The following DNAAF4 variants were observed in gnomAD, a reference collection of about 807,000 sequenced individuals.
The protein encoded by DNAAF4 is dynein assembly factor 4, axonemal.
A neutral mutation model predicts 51.8 loss-of-function variants in DNAAF4; 43 were observed. The observed-to-expected ratio is 0.83, with a 90% CI of 0.65 to 1.07. The LOEUF is 1.07. Among genes scored for constraint, DNAAF4 ranks in the 50% least tolerant of loss-of-function variants. The pLI is 0.00. For missense variants in DNAAF4, 581 were observed against 493.0 expected (o/e 1.18, Z -1.69); for synonymous variants, 194 against 165.6 (o/e 1.17, Z -1.32).
rs55904532 is a variant in DNAAF4, at chr15:55,439,753, A to G, written c.784-172T>C. On this transcript the variant is annotated intron_variant, in intron 6 of 9. Transcript: ENST00000321149. ...TGATATACTGAAGCCATAACCATCAATGTGAATCGGTATTTGGTAGTGGGG... is the reference window on the plus strand; with the variant it reads ...TGATATACTGAAGCCATAACCATCAGTGTGAATCGGTATTTGGTAGTGGGG... 0.051 allele frequency among the ~76,000 whole-genome samples: 7,750 copies of G among 152,190 alleles called. 683 individuals carry two copies. Among genetic ancestry groups the G allele is most frequent in the African/African-American group, 0.18 (7,470 of 41,488 alleles).
chr15:55,484,244 G>A (rs1220661172), intron 4 of DNAAF4, among the ~76,000 whole-genome samples: 3 of 152,094 alleles, frequency 2.0e-5, no homozygotes, highest in Non-Finnish European at 4.4e-5. Flanking sequence ...AGCACTTTGG[G>A]AGGCTGAGAC....
chr15:55,485,106 C>A (rs2058468798), intron 4 of DNAAF4, among the ~76,000 whole-genome samples: 1 of 152,118 alleles, frequency 6.6e-6, no homozygotes, highest in Non-Finnish European at 1.5e-5. Flanking sequence ...ACCCAAGTGT[C>A]CAATAACACA....
At chr15:55,444,900 TC>T (rs1418363084) in intron 6 of DNAAF4, among the ~76,000 whole-genome samples, 6 of 152,174 alleles carry the variant, frequency 3.9e-5, no homozygotes, top group Non-Finnish European at 7.3e-5. Context: ...TGATTTTGTA[TC>T]CTGAGACTTT....
At chr15:55,441,730 A>G (rs2057717780) in intron 6 of DNAAF4, among the ~76,000 whole-genome samples, 1 of 152,174 alleles carries the variant, frequency 6.6e-6, no homozygotes, top group Non-Finnish European at 1.5e-5. Flanking sequence ...ATGTCCCTAC[A>G]AAGGACATGA....
chr15:55,481,884 G>T (rs2141557720), intron 4 of DNAAF4, among the ~76,000 whole-genome samples: 1 of 152,228 alleles, frequency 6.6e-6, no homozygotes, highest in East Asian at 1.9e-4. Context: ...ATTAGTTATG[G>T]GCCAAGACTT....
chr15:55,455,482 A>AATGCAGTG (rs1249048385), intron 5 of DNAAF4, among the ~76,000 whole-genome samples: 1 of 150,428 alleles, frequency 6.6e-6, no homozygotes, highest in Non-Finnish European at 1.5e-5. Context: ...CCCACACTGG[A>AATGCAGTG]ATGCAGTGGC....
At chr15:55,441,157 C>T (rs371872938) in intron 6 of DNAAF4, among the ~76,000 whole-genome samples, 3 of 151,280 alleles carry the variant, frequency 2.0e-5, no homozygotes, top group Admixed American at 2.0e-4. Context: ...CCGCAACCTC[C>T]GCCTTCTGGG....
chr15:55,423,749 GC>G (rs1566995258), intron 7 of DNAAF4, among the ~76,000 whole-genome samples: 1 of 152,070 alleles, frequency 6.6e-6, no homozygotes, highest in Admixed American at 6.6e-5. Context: ...GATAAGGAGT[GC>G]GAGACCAGGC....
At chr15:55,424,846 A>AC (rs528949179) in intron 7 of DNAAF4, among the ~76,000 whole-genome samples, 16 of 141,548 alleles carry the variant, frequency 1.1e-4, no homozygotes, top group Admixed American at 6.4e-4. Flanking sequence ...CAGGCGTGAG[A>AC]CCCCGTGCCC....
chr15:55,437,970 A>G (rs2057642958), intron 7 of DNAAF4, among the ~76,000 whole-genome samples: 1 of 152,240 alleles, frequency 6.6e-6, no homozygotes, highest in African/African-American at 2.4e-5. Context: ...ATAAACACAG[A>G]AGTGTATATG....
intron 7 of DNAAF4, among the ~76,000 whole-genome samples, chr15:55,438,863 G>C (rs1288629378): frequency 6.6e-6 from 1 of 151,804 alleles, no homozygotes; most frequent in Admixed American, 6.6e-5. Flanking sequence ...TTTTATGGGA[G>C]ACATCAGAAA....
chr15:55,447,300 C>T (rs2057848057), intron 6 of DNAAF4, among the ~76,000 whole-genome samples: 1 of 151,764 alleles, frequency 6.6e-6, no homozygotes, highest in Non-Finnish European at 1.5e-5. Context: ...GACTGGGCGG[C>T]TGGGCAGAGG....
At chr15:55,479,565 C>T (rs1464823568) in intron 4 of DNAAF4, among the ~76,000 whole-genome samples, 1 of 151,814 alleles carries the variant, frequency 6.6e-6, no homozygotes, top group African/African-American at 2.4e-5. Context: ...GGGAAGACAA[C>T]CATAAGGTCT....
chr15:55,478,317 C>T lies in DNAAF4; in HGVS notation c.406-11156G>A, dbSNP rs138024629. Among the ~76,000 whole-genome samples the T allele has an allele frequency of 1.4e-3, 218 of 152,308 alleles. 2 individuals carry two copies. Among genetic ancestry groups the T allele is most frequent in the African/African-American group, 5.1e-3 (212 of 41,570 alleles). On this transcript the variant is annotated intron_variant, in intron 4 of 9. Coordinates refer to ENST00000321149, the MANE Select transcript of DNAAF4 (RefSeq NM_130810.4). Reference sequence around the variant, plus strand: ...AAAACAAATTTTCCAGCAGGGGTTTCTAATAGTACCAAGCTGCCCAGTCCC... The same window carrying T: ...AAAACAAATTTTCCAGCAGGGGTTTTTAATAGTACCAAGCTGCCCAGTCCC...
chr15:55,418,438 C>T (rs1291258705), intron 7 of DNAAF4: 8 of 1,522,938 alleles, frequency 5.3e-6, no homozygotes, highest in Non-Finnish European at 7.0e-6. Flanking sequence ...TTTTCCCCTG[C>T]AATTATACTC....
intron 1 of DNAAF4, among the ~76,000 whole-genome samples, chr15:55,507,025 A>G (rs1004046291): frequency 6.6e-6 from 1 of 151,730 alleles, no homozygotes; most frequent in Non-Finnish European, 1.5e-5. Flanking sequence ...AATTTTTTGT[A>G]TTTTTATTAG....
Position 55,473,198 on chromosome 15 carries a change from A to AAAAAATATATAT in DNAAF4, c.406-6038_406-6037insATATATATTTTT, listed in dbSNP as rs1209754897. ...ACAAAAAAAAAACCTAAAAAAAAAA[A>AAAAAATATATAT]ATATATATATATATATATATATATG... On this transcript the variant is annotated intron_variant, in intron 4 of 9. Coordinates refer to ENST00000321149, the MANE Select transcript of DNAAF4 (RefSeq NM_130810.4). Among the ~76,000 whole-genome samples, 437 of 75,688 alleles carry AAAAAATATATAT rather than the reference A, an allele frequency of 5.8e-3. 20 individuals carry two copies. Among genetic ancestry groups the AAAAAATATATAT allele is most frequent in the South Asian group, 0.016 (33 of 2,038 alleles). The allele number at this position is 75,688 out of a possible 152,430, so 49.7% of individuals were successfully genotyped here.
intron 3 of DNAAF4, among the ~76,000 whole-genome samples, chr15:55,491,866 T>A (rs898021117): frequency 6.7e-6 from 1 of 149,240 alleles, no homozygotes; most frequent in African/African-American, 2.5e-5. Flanking sequence ...GTTTGTTTGT[T>A]TTCCTGAGAC....
chr15:55,459,213 A>C (rs989948157), intron 5 of DNAAF4, among the ~76,000 whole-genome samples: 4 of 152,136 alleles, frequency 2.6e-5, no homozygotes, highest in African/African-American at 9.7e-5. Flanking sequence ...AGCCTCCTTA[A>C]ACAAAATAAT....
Sources: gnomAD v4.1 joint callset for allele counts (sites outside exome capture counted in the v4.1 genomes callset) on GRCh38, gnomAD v4.1.1 for gene constraint, MANE v1.5 for transcripts, NCBI Gene and HGNC (gene_info 2026-07-23, HGNC 2026-07-21) for gene names.